The following ZRANB3 variants were observed in gnomAD, a reference collection of about 807,000 sequenced individuals.
The protein encoded by ZRANB3 is DNA annealing helicase and endonuclease ZRANB3.
ZRANB3 carries 125 observed loss-of-function variants against 133.8 expected under a neutral mutation model. The ratio of observed to expected loss-of-function variants is 0.93; its 90% confidence interval spans 0.81 to 1.08. The LOEUF (loss-of-function observed/expected upper bound fraction) is 1.08, where lower values mean the gene tolerates loss of function less well. Ranked by LOEUF, ZRANB3 falls within the 50% of genes least tolerant of loss-of-function variation. The pLI is 0.00. For missense variants in ZRANB3, 1,229 were observed against 1,275.5 expected (o/e 0.96, Z 0.56); for synonymous variants, 387 against 432.7 (o/e 0.89, Z 1.31).
chr2:135,289,932 T>C (rs1681601295), intron 8 of ZRANB3, among the ~76,000 whole-genome samples: 1 of 152,154 alleles, frequency 6.6e-6, no homozygotes, highest in Non-Finnish European at 1.5e-5. Context: ...TTCGATTTTC[T>C]GAAATTTATT....
chr2:135,459,641 T>C (rs1489418842), intron 2 of ZRANB3, among the ~76,000 whole-genome samples: 1 of 152,104 alleles, frequency 6.6e-6, no homozygotes, highest in Admixed American at 6.6e-5. Flanking sequence ...AAAAGTAAGA[T>C]ATACACAAAG....
At chr2:135,249,692 T>C (rs773862677) in intron 12 of ZRANB3, among the ~76,000 whole-genome samples, 1 of 152,184 alleles carries the variant, frequency 6.6e-6, no homozygotes, top group African/African-American at 2.4e-5. Flanking sequence ...TGAGATCTGA[T>C]GGGTTTATCA....
chr2:135,432,142 C>T (rs1345366911), intron 2 of ZRANB3, among the ~76,000 whole-genome samples: 4 of 151,932 alleles, frequency 2.6e-5, no homozygotes, highest in African/African-American at 4.8e-5. Context: ...CCCAGCTACT[C>T]GGGAGTCTGA....
intron 9 of ZRANB3, among the ~76,000 whole-genome samples, chr2:135,274,423 A>C (rs1680680362): frequency 6.6e-6 from 1 of 152,196 alleles, no homozygotes; most frequent in African/African-American, 2.4e-5. Flanking sequence ...AACATTGGCC[A>C]AGTTCATTCT....
intron 15 of ZRANB3, among the ~76,000 whole-genome samples, chr2:135,221,067 GGCTGGTCACGAA>G (rs1406585070): frequency 4.6e-5 from 7 of 151,708 alleles, no homozygotes; most frequent in Admixed American, 2.0e-4. Context: ...ATATTGGCCA[GGCTGGTCACGAA>G]TTCCTGACCT....
intron 2 of ZRANB3, among the ~76,000 whole-genome samples, chr2:135,464,447 T>C (rs1690897827): frequency 6.6e-6 from 1 of 152,202 alleles, no homozygotes; most frequent in Admixed American, 6.5e-5. Context: ...AGGATCTGCT[T>C]TGGCCTCAGA....
At chr2:135,382,452 A>G (rs942097852) in intron 3 of ZRANB3, among the ~76,000 whole-genome samples, 3 of 152,202 alleles carry the variant, frequency 2.0e-5, no homozygotes, top group Non-Finnish European at 4.4e-5. Flanking sequence ...TCCCCCATCT[A>G]GCAAGGCAGG....
chr2:135,221,357 G>C (rs1378007680), intron 15 of ZRANB3, among the ~76,000 whole-genome samples: 1 of 152,140 alleles, frequency 6.6e-6, no homozygotes, highest in Non-Finnish European at 1.5e-5. Flanking sequence ...GAGATGTCAA[G>C]AAGAAGCAGG....
chr2:135,348,285 G>A (rs570903770), intron 5 of ZRANB3, among the ~76,000 whole-genome samples: 40 of 149,846 alleles, frequency 2.7e-4, no homozygotes, highest in African/African-American at 9.0e-4. Flanking sequence ...AGAAAAGAAA[G>A]AAAGAAAAAA....
chr2:135,368,688 A>G (rs1368074233), intron 3 of ZRANB3, among the ~76,000 whole-genome samples: 1 of 151,998 alleles, frequency 6.6e-6, no homozygotes, highest in Non-Finnish European at 1.5e-5. Flanking sequence ...TGGATACCCC[A>G]TTTACCTTAA....
chr2:135,502,261 A>G (rs894807396), intron 2 of ZRANB3, among the ~76,000 whole-genome samples: 56 of 152,210 alleles, frequency 3.7e-4, no homozygotes, highest in African/African-American at 1.3e-3. Context: ...CTTCCAAAAA[A>G]GAAGACTTAA....
intron 5 of ZRANB3, among the ~76,000 whole-genome samples, 186 bp downstream of exon 5, chr2:135,349,798 G>T (rs550501988): frequency 3.9e-5 from 6 of 152,240 alleles, no homozygotes; most frequent in Admixed American, 2.0e-4. Flanking sequence ...CTTGGCTAAG[G>T]CTTAAATGTA....
At position 135,235,657 on chromosome 2, in the gene ZRANB3, C is replaced by T. The variant is rs1009291937; in HGVS notation, c.1540-4730G>A. Reference sequence around the variant, plus strand: ...CATACGAAAATCAATAAACGTAATCCAGCATATAAACAGAACCAAAGACAA... The same window carrying T: ...CATACGAAAATCAATAAACGTAATCTAGCATATAAACAGAACCAAAGACAA... On this transcript the variant is annotated intron_variant, in intron 12 of 20. Coordinates refer to ENST00000264159, the MANE Select transcript of ZRANB3 (RefSeq NM_032143.4). Among the ~76,000 whole-genome samples the T allele has an allele frequency of 3.3e-5, 5 of 150,508 alleles. 1 individual carries two copies. The highest frequency in any genetic ancestry group is 7.4e-5 in the Non-Finnish European group (5 of 67,778).
At chr2:135,429,680 C>T (rs994149556) in intron 2 of ZRANB3, among the ~76,000 whole-genome samples, 2 of 151,674 alleles carry the variant, frequency 1.3e-5, no homozygotes, top group Non-Finnish European at 2.9e-5. Context: ...ACAGAGAATG[C>T]CTAAAACTGG....
intron 2 of ZRANB3, among the ~76,000 whole-genome samples, chr2:135,419,235 G>C (rs13393892): frequency 0.27 from 40,207 of 151,414 alleles, 8,878 homozygotes; most frequent in African/African-American, 0.59. Context: ...CCGCACCTAG[G>C]CTTTTTTTTT....
chr2:135,440,183 C>T (rs1553493306), intron 2 of ZRANB3, among the ~76,000 whole-genome samples: 2 of 152,126 alleles, frequency 1.3e-5, no homozygotes, highest in African/African-American at 2.4e-5. Context: ...TGTTTTTGGA[C>T]ACTAACTTTC....
chr2:135,504,907 C>T (rs1286061593), intron 1 of ZRANB3, among the ~76,000 whole-genome samples: 3 of 151,852 alleles, frequency 2.0e-5, no homozygotes, highest in Admixed American at 6.6e-5. Flanking sequence ...TCATATCACA[C>T]CAGATTTTCT....
intron 12 of ZRANB3, among the ~76,000 whole-genome samples, chr2:135,237,325 AC>A (rs1346279509): frequency 6.6e-6 from 1 of 150,994 alleles, no homozygotes; most frequent in African/African-American, 2.5e-5. Context: ...AAATAGGAAC[AC>A]TTTTACACTG....
chr2:135,410,773 GA>G (rs57560519), intron 2 of ZRANB3, among the ~76,000 whole-genome samples: 18,498 of 135,608 alleles, frequency 0.14, 1,416 homozygotes, highest in South Asian at 0.33. Flanking sequence ...TCAACAAGGA[GA>G]AAACAACCCC....
Sources: gnomAD v4.1 joint callset for allele counts (sites outside exome capture counted in the v4.1 genomes callset) on GRCh38, gnomAD v4.1.1 for gene constraint, MANE v1.5 for transcripts, NCBI Gene and HGNC (gene_info 2026-07-23, HGNC 2026-07-21) for gene names.